Variants in PDE1C observed in about 807,000 individuals in gnomAD.
PDE1C encodes the protein phosphodiesterase 1C.
In PDE1C, 62 loss-of-function variants were observed where a neutral mutation model predicts 93.1. The ratio of observed to expected loss-of-function variants is 0.67; its 90% CI spans 0.54 to 0.82. The LOEUF is 0.82. Among genes scored for constraint, PDE1C ranks in the 40% least tolerant of loss-of-function variants. The pLI is 0.00. For missense variants in PDE1C, 742 were observed against 884.6 expected, an observed-to-expected ratio of 0.84 and a Z score of 2.04; for synonymous variants, 325 against 310.1, an observed-to-expected ratio of 1.05 and a Z score of -0.50.
At chr7:31,856,938 C>A (rs892244726) in intron 7 of PDE1C, among the ~76,000 whole-genome samples, 43 of 152,154 alleles carry the variant, frequency 2.8e-4, no homozygotes, top group Non-Finnish European at 4.4e-5. Context: ...CCTTGCCTTG[C>A]AGACAGCTAT....
At chr7:32,232,242 A>G (rs1478705707) in intron 1 of PDE1C, among the ~76,000 whole-genome samples, 1 of 152,214 alleles carries the variant, frequency 6.6e-6, no homozygotes, top group Non-Finnish European at 1.5e-5. Flanking sequence ...CCAAATGGAC[A>G]TCAGCGTGAA....
chr7:31,934,547 T>G (rs1257355546), intron 2 of PDE1C, among the ~76,000 whole-genome samples: 1 of 129,424 alleles, frequency 7.7e-6, no homozygotes, highest in Non-Finnish European at 1.7e-5. Flanking sequence ...CAAATTCAAT[T>G]AGCACCACCA....
the PDE1C span, chr7:31,697,175 A>C: frequency 6.3e-7 from 1 of 1,584,394 alleles, no homozygotes; most frequent in Non-Finnish European, 8.6e-7. Flanking sequence ...CAAGAACCTT[A>C]CCATCTGGAG....
intron 1 of PDE1C, among the ~76,000 whole-genome samples, chr7:32,213,838 C>T (rs143104551): frequency 6.6e-6 from 1 of 152,078 alleles, no homozygotes; most frequent in Non-Finnish European, 1.5e-5. Context: ...CGTTCAGTTG[C>T]GTGTCTAGGC....
At chr7:31,745,404 TGAAA>T in the PDE1C span, among the ~76,000 whole-genome samples, 1 of 152,170 alleles carries the variant, frequency 6.6e-6, no homozygotes, top group Non-Finnish European at 1.5e-5. Flanking sequence ...GGATATAGTA[TGAAA>T]AAGAAATGGG....
At chr7:32,115,213 C>T in intron 3 of PDE1C, among the ~76,000 whole-genome samples, 1 of 152,070 alleles carries the variant, frequency 6.6e-6, no homozygotes, top group Non-Finnish European at 1.5e-5. Context: ...TGGAATCAAC[C>T]CAAATGCCCA....
Position 32,099,719 on chromosome 7 carries a change from A to G in PDE1C, c.308+70066T>C, listed in dbSNP as rs571335154. Among the ~76,000 whole-genome samples the G allele has an allele frequency of 3.3e-4, 51 of 152,284 alleles. 1 individual carries two copies. The South Asian group carries it at 8.5e-3, about 25-fold the overall frequency. On this transcript the variant is annotated intron_variant, in intron 3 of 18. Transcript: ENST00000396193. ...CCATCACTCTTACGTTTCCTAGACT[A>G]TAATCATATGCCTTTACTCAAGTGC...
intron 2 of PDE1C, among the ~76,000 whole-genome samples, chr7:31,964,505 G>A (rs1809574380): frequency 6.6e-6 from 1 of 152,246 alleles, no homozygotes; most frequent in South Asian, 2.1e-4. Context: ...AGGCCTGCCT[G>A]CCTCTGTAGG....
chr7:32,000,993 C>CAT lies in PDE1C; in HGVS notation c.128+50560_128+50561insAT, dbSNP rs1554458991. Among the ~76,000 whole-genome samples, 617 of 149,164 alleles carry CAT rather than the reference C, an allele frequency of 4.1e-3. 3 individuals are homozygous for CAT. The highest frequency in any genetic ancestry group is 0.014 in the African/African-American group (575 of 40,710). On this transcript the variant is annotated intron_variant, in intron 2 of 17. Coordinates refer to ENST00000396191, the MANE Select transcript of PDE1C (RefSeq NM_001191057.4). ...GTATACATGTGCCTGTGTGTGTATA[C>CAT]GTGTGTGTGTGTGTGTGTGTGTGTA...
chr7:32,045,108 G>A (rs1792366209), intron 2 of PDE1C, among the ~76,000 whole-genome samples: 1 of 137,482 alleles, frequency 7.3e-6, no homozygotes. Flanking sequence ...ATTAGCAAGG[G>A]TAAGTGAGTG....
the PDE1C span, among the ~76,000 whole-genome samples, chr7:31,679,101 A>C: frequency 1.3e-5 from 2 of 152,340 alleles, no homozygotes; most frequent in Non-Finnish European, 2.9e-5. Context: ...TATAGCTTGG[A>C]GGCAGATCCT....
intron 5 of PDE1C, among the ~76,000 whole-genome samples, chr7:31,875,834 T>TATATATATATAA (rs1796512695): frequency 1.6e-5 from 2 of 127,930 alleles, no homozygotes; most frequent in Admixed American, 7.8e-5. Flanking sequence ...TATATATATA[T>TATATATATATAA]AATGGAAAAA....
chr7:31,882,133 A>T (rs1161759998), intron 2 of PDE1C, among the ~76,000 whole-genome samples: 1 of 152,214 alleles, frequency 6.6e-6, no homozygotes, highest in African/African-American at 2.4e-5. Flanking sequence ...GTCAACCATA[A>T]AATAATTTCC....
chr7:31,879,603 C>T (rs1797004390), intron 3 of PDE1C, among the ~76,000 whole-genome samples: 1 of 152,196 alleles, frequency 6.6e-6, no homozygotes, highest in South Asian at 2.1e-4. Context: ...ATCACAGCAA[C>T]CCAGTCCTCT....
intron 1 of PDE1C, chr7:32,209,669 A>G (rs1255562097): frequency 2.7e-6 from 2 of 727,338 alleles, no homozygotes; most frequent in African/African-American, 1.8e-5. Context: ...AGTGAATAAA[A>G]GCAACTTTAC....
At chr7:31,819,516 G>T (rs1788693146) in intron 14 of PDE1C, among the ~76,000 whole-genome samples, 1 of 152,100 alleles carries the variant, frequency 6.6e-6, no homozygotes, top group South Asian at 2.1e-4. Context: ...TTGACTAGTA[G>T]AAAGCAAGAG....
intron 17 of PDE1C, among the ~76,000 whole-genome samples, chr7:31,764,881 T>G (rs1795044670): frequency 6.6e-6 from 1 of 152,232 alleles, no homozygotes; most frequent in Non-Finnish European, 1.5e-5. Flanking sequence ...TTCCATTTAC[T>G]AAAGAATAAA....
intron 1 of PDE1C, among the ~76,000 whole-genome samples, chr7:32,365,199 A>G (rs557910967): frequency 6.6e-6 from 1 of 152,162 alleles, no homozygotes; most frequent in Non-Finnish European, 1.5e-5. Context: ...CCAGCTGAAT[A>G]GCTGTCTGCC....
At chr7:31,936,179 A>C (rs1165185372) in intron 2 of PDE1C, among the ~76,000 whole-genome samples, 2 of 152,164 alleles carry the variant, frequency 1.3e-5, no homozygotes, top group Non-Finnish European at 2.9e-5. Context: ...GGAATCACAC[A>C]TGGCTATATA....
Sources: allele counts gnomAD v4.1 joint callset (sites outside exome capture counted in the v4.1 genomes callset), GRCh38; gene constraint gnomAD v4.1.1; transcripts MANE v1.5; gene names NCBI Gene and HGNC (gene_info 2026-07-23, HGNC 2026-07-21).